Variants in PTPRF observed in about 807,000 individuals in gnomAD.
PTPRF encodes protein tyrosine phosphatase receptor type F.
PTPRF carries 59 observed loss-of-function variants against 201.8 expected under a neutral mutation model. That is an observed-to-expected ratio of 0.29 (90% CI 0.24 to 0.36). PTPRF has a LOEUF of 0.36. PTPRF is among the 10% of genes least tolerant of loss of function. PTPRF has a pLI of 1.00. For synonymous variants in PTPRF, 1,088 were observed against 1,089.7 expected (o/e 1.00, Z 0.03); for missense variants, 2,132 against 2,690.5 (o/e 0.79, Z 4.59).
At chr1:43,562,820 T>C (rs1569968037) in intron 5 of PTPRF, among the ~76,000 whole-genome samples, 1 of 151,972 alleles carries the variant, frequency 6.6e-6, no homozygotes, top group South Asian at 2.1e-4. Flanking sequence ...GCAGTCCAGG[T>C]GAGTGATGGC....
At chr1:43,526,945 A>G (rs911555611), upstream of PTPRF, among the ~76,000 whole-genome samples, 3 of 152,220 alleles carry the variant, frequency 2.0e-5, no homozygotes, top group Non-Finnish European at 4.4e-5. Context: ...GGGATTGTGC[A>G]AACCCCTGGA....
At position 43,592,061 on chromosome 1, in the gene PTPRF, C is replaced by G. The variant is rs147069868; in HGVS notation, c.1668+113C>G. On this transcript the variant is annotated intron_variant, in intron 10 of 33. Coordinates refer to ENST00000359947, the MANE Select transcript of PTPRF (RefSeq NM_002840.5). ...TCTGTGGCTTATGTGGGCACAGCCT[C>G]TAAGGTTTCTGCTGGAGGCTTAGTG... 895 of 1,452,008 alleles carry G rather than the reference C, an allele frequency of 6.2e-4. 8 individuals are homozygous for G. In the African/African-American group the frequency reaches 0.011, roughly 19 times the overall value. 89.9% of individuals were successfully genotyped at this position (1,452,008 alleles called of 1,614,324 possible). A position where few individuals can be genotyped will look rare whatever the true frequency, so the allele number is the denominator to read the frequency against.
rs918177803 is a variant in PTPRF at position 43,553,399 on chromosome 1, G to A, written c.92-93G>A. ...TGAGGTGTCCTTGTTTTCTTTGTAG[G>A]TCTTTCTCTCTGCCCCCATGACTGC... On this transcript the variant is annotated intron_variant, in intron 3 of 33. Transcript: ENST00000359947. The surrounding 1 kb of genome is among the most constrained non-coding windows in gnomAD (Gnocchi z 4.1). 1.4e-6 allele frequency: 2 copies of A among 1,380,994 alleles called. No homozygotes were observed. Among genetic ancestry groups the A allele is most frequent in the African/African-American group, 2.9e-5 (2 of 68,880 alleles). 85.5% of individuals were successfully genotyped at this position (1,380,994 alleles called of 1,614,324 possible). A position where few individuals can be genotyped will look rare whatever the true frequency, so the allele number is the denominator to read the frequency against.
intron 6 of PTPRF, among the ~76,000 whole-genome samples, chr1:43,578,147 A>G (rs999675088): frequency 7.9e-5 from 12 of 152,150 alleles, no homozygotes; most frequent in African/African-American, 2.9e-4. Flanking sequence ...GAGAGCTCCA[A>G]CCTCCATTAG....
At chr1:43,535,373 C>T (rs1478938174) in intron 1 of PTPRF, among the ~76,000 whole-genome samples, 1 of 152,080 alleles carries the variant, frequency 6.6e-6, no homozygotes, top group Non-Finnish European at 1.5e-5. Context: ...TTCCTCCCAC[C>T]CTCCCTGGGC....
intron 23 of PTPRF, among the ~76,000 whole-genome samples, chr1:43,615,242 T>G (rs954337373): frequency 6.6e-6 from 1 of 152,194 alleles, no homozygotes; most frequent in African/African-American, 2.4e-5. Flanking sequence ...AGGGCCCCCC[T>G]GGGGCCCTGC....
At chr1:43,529,091 C>T (rs113282393), upstream of PTPRF, among the ~76,000 whole-genome samples, 37 of 151,986 alleles carry the variant, frequency 2.4e-4, no homozygotes, top group Admixed American at 5.9e-4. Context: ...ATTTGGGGGC[C>T]GAGAGGGAAT....
chr1:43,566,114 C>A (rs140545757), intron 5 of PTPRF, among the ~76,000 whole-genome samples: 8 of 152,150 alleles, frequency 5.3e-5, no homozygotes, highest in Non-Finnish European at 8.8e-5. Flanking sequence ...TGCAGTGGAG[C>A]CTGAGCCGTG....
chr1:43,534,534 T>G (rs751777001), intron 1 of PTPRF, among the ~76,000 whole-genome samples: 10 of 152,150 alleles, frequency 6.6e-5, no homozygotes, highest in Non-Finnish European at 1.2e-4. Context: ...TCCAGGTTCC[T>G]CGGAGTGGTT....
Position 43,592,581 on chromosome 1 carries a change from A to G in PTPRF, c.1793A>G (p.Glu598Gly). 1 of 1,599,512 alleles carries G rather than the reference A, an allele frequency of 6.3e-7. No individual in the cohort carries two copies. Residue 598 changes from glutamate to glycine, a missense_variant, in exon 11 of 34, where the codon GAG becomes GGG. Around this residue, in one of 6 missense-constraint regions of PTPRF, gnomAD observed 351 missense variants for 401.7 expected, o/e 0.87. Coordinates refer to ENST00000359947, the MANE Select transcript of PTPRF (RefSeq NM_002840.5). ...GTGGGCGTCTTCACCCCCACCATTG[A>G]GGCCCGCACAGCCCAGTCCAGTAAG... ...MGVGVFTPTI[E>G]ARTAQSTPSA... is the part of the protein sequence containing the mutation.
At chr1:43,569,505 C>T in intron 5 of PTPRF, 85 bp from the exon 6 acceptor site, 2 of 1,416,342 alleles carry the variant, frequency 1.4e-6, no homozygotes, top group Non-Finnish European at 1.9e-6. Flanking sequence ...CCCTGGCCAA[C>T]CTGCAGTTGG....
intron 33 of PTPRF, 86 bp from the exon 34 acceptor site, chr1:43,621,849 A>G: frequency 7.2e-7 from 1 of 1,379,508 alleles, no homozygotes; most frequent in Non-Finnish European, 1.0e-6. Flanking sequence ...GCAGAGGCTA[A>G]CTCCATGGCT....
chr1:43,524,451 G>A (rs1246627123), upstream of PTPRF, among the ~76,000 whole-genome samples: 1 of 152,148 alleles, frequency 6.6e-6, no homozygotes, highest in Non-Finnish European at 1.5e-5. Flanking sequence ...TTAGAAGCCA[G>A]GAGCTCGAGA....
At chr1:43,524,438 T>A (rs375618542), upstream of PTPRF, among the ~76,000 whole-genome samples, 1 of 152,130 alleles carries the variant, frequency 6.6e-6, no homozygotes, top group African/African-American at 2.4e-5. Flanking sequence ...GGTGGAAGCA[T>A]CATTAGAAGC....
At chr1:43,548,170 G>A (rs1393021629) in intron 3 of PTPRF, among the ~76,000 whole-genome samples, 3 of 152,076 alleles carry the variant, frequency 2.0e-5, no homozygotes, top group Non-Finnish European at 4.4e-5. Context: ...GCACGAATGT[G>A]GCTGGGCTTC....
At chr1:43,545,963 G>A (rs752183110) in intron 3 of PTPRF, among the ~76,000 whole-genome samples, 3 of 152,170 alleles carry the variant, frequency 2.0e-5, no homozygotes, top group Non-Finnish European at 4.4e-5. Context: ...TGGGAGGCGG[G>A]GCACAGGGCA....
chr1:43,619,006 G>A (rs764974234), intron 26 of PTPRF, 42 bp from the exon 27 acceptor site: 20 of 1,597,760 alleles, frequency 1.3e-5, no homozygotes, highest in Non-Finnish European at 1.7e-5. Flanking sequence ...TCTATGGCAG[G>A]TAGGCTCCTA....
At chr1:43,531,231 C>T (rs112923713) in intron 1 of PTPRF, 141 bp downstream of exon 1, 1 of 150,672 alleles carries the variant, frequency 6.6e-6, no homozygotes, top group African/African-American at 2.4e-5. Context: ...GGGCCGCGCC[C>T]CCACCTGCCG....
chr1:43,607,685 C>T (rs1471723607), intron 21 of PTPRF, among the ~76,000 whole-genome samples: 1 of 152,252 alleles, frequency 6.6e-6, no homozygotes, highest in Non-Finnish European at 1.5e-5. Context: ...TAATCTGACC[C>T]CTGCCACACT....
Sources: allele counts gnomAD v4.1 joint callset (sites outside exome capture counted in the v4.1 genomes callset), GRCh38; gene constraint gnomAD v4.1.1; regional missense constraint gnomAD v4.1.1; non-coding constraint Gnocchi (gnomAD v3.1); transcripts MANE v1.5; gene names NCBI Gene and HGNC (gene_info 2026-07-23, HGNC 2026-07-21).